Variants in RBFOX1 observed in about 807,000 individuals in gnomAD.
The protein encoded by RBFOX1 is RNA binding fox-1 homolog 1.
Under a neutral mutation model 57.7 loss-of-function variants are expected in RBFOX1, and 8 were observed. That is an observed-to-expected ratio of 0.14 (90% CI 0.08 to 0.25). The LOEUF is 0.25. Ranked by LOEUF, RBFOX1 falls within the 10% of genes least tolerant of loss-of-function variation. The pLI is 1.00. For synonymous variants in RBFOX1, 326 were observed against 222.4 expected (o/e 1.47, Z -4.15); for missense variants, 611 against 548.5 (o/e 1.11, Z -1.14).
At chr16:5,501,318 C>CAAAAAA (rs1160788118) in intron 2 of RBFOX1, among the ~76,000 whole-genome samples, 1,831 of 64,708 alleles carry the variant, frequency 0.028, 188 homozygotes, top group African/African-American at 0.079. Context: ...ACTCTGTCTA[C>CAAAAAA]AAAAAAAAAA....
chr16:7,039,233 G>A (rs987904298), intron 3 of RBFOX1, among the ~76,000 whole-genome samples: 1 of 152,136 alleles, frequency 6.6e-6, no homozygotes, highest in South Asian at 2.1e-4. Flanking sequence ...GCAAGTTTAC[G>A]TATAACAACA....
intron 1 of RBFOX1, among the ~76,000 whole-genome samples, chr16:5,420,375 C>G (rs2067279645): frequency 1.7e-5 from 2 of 115,798 alleles, no homozygotes; most frequent in South Asian, 2.8e-4. Flanking sequence ...AATAAATATT[C>G]TCCACCACCC....
chr16:6,016,464 G>T (rs2094994472), upstream of RBFOX1, among the ~76,000 whole-genome samples: 1 of 152,172 alleles, frequency 6.6e-6, no homozygotes, highest in South Asian at 2.1e-4. Flanking sequence ...CCAGGAGCTG[G>T]TAAACCACAT....
intron 1 of RBFOX1, among the ~76,000 whole-genome samples, chr16:5,438,825 CTT>C (rs1474351218): frequency 4.6e-5 from 7 of 152,022 alleles, no homozygotes; most frequent in Non-Finnish European, 4.4e-5. Context: ...ATCTTGCACT[CTT>C]TAGGGTCAAA....
intron 4 of RBFOX1, among the ~76,000 whole-genome samples, chr16:5,961,038 G>T (rs538163183): frequency 1.4e-4 from 21 of 152,282 alleles, no homozygotes; most frequent in Admixed American, 2.0e-4. Flanking sequence ...AAGGTGACAT[G>T]GGTGATCCTG....
intron 4 of RBFOX1, among the ~76,000 whole-genome samples, chr16:5,869,126 A>G (rs994348811): frequency 6.6e-6 from 1 of 152,180 alleles, no homozygotes; most frequent in Non-Finnish European, 1.5e-5. Context: ...ACAAAGTGCC[A>G]TGCCATGTAA....
chr16:7,653,688 C>T (rs547773294), intron 11 of RBFOX1, 127 bp from the exon 12 acceptor site: 17 of 1,367,126 alleles, frequency 1.2e-5, no homozygotes, highest in Middle Eastern at 2.3e-4. Flanking sequence ...CTCTTGATTC[C>T]GGGAAGCGGG....
chr16:5,245,520 C>T (rs377240990), intron 1 of RBFOX1, among the ~76,000 whole-genome samples: 1 of 152,168 alleles, frequency 6.6e-6, no homozygotes. Flanking sequence ...TGCTCTAAGC[C>T]TGGGGAACCC....
At chr16:5,722,520 C>G (rs1295259539) in intron 3 of RBFOX1, among the ~76,000 whole-genome samples, 2 of 152,126 alleles carry the variant, frequency 1.3e-5, no homozygotes, top group East Asian at 1.9e-4. Context: ...CCCAGGGGAT[C>G]AAGGGGGGCA....
chr16:6,977,147 T>G (rs2087207259), intron 3 of RBFOX1, among the ~76,000 whole-genome samples: 1 of 102,550 alleles, frequency 9.8e-6, no homozygotes. Context: ...ATATTATATA[T>G]ATCATATATA....
intron 3 of RBFOX1, among the ~76,000 whole-genome samples, chr16:6,891,199 A>G (rs2065331395): frequency 6.6e-6 from 1 of 152,358 alleles, no homozygotes; most frequent in Non-Finnish European, 1.5e-5. Context: ...TAGTGGCTAC[A>G]ATAATATTTG....
chr16:5,255,091 T>C (rs1368926985), intron 1 of RBFOX1, among the ~76,000 whole-genome samples: 2 of 152,166 alleles, frequency 1.3e-5, no homozygotes, highest in African/African-American at 4.8e-5. Flanking sequence ...TAGCTGTAAT[T>C]TGCATTAGTT....
At chr16:5,645,302 A>C (rs1374145335) in intron 3 of RBFOX1, among the ~76,000 whole-genome samples, 1 of 152,034 alleles carries the variant, frequency 6.6e-6, no homozygotes, top group Non-Finnish European at 1.5e-5. Context: ...TGAGTGAAAG[A>C]AGCTGCACAC....
At chr16:7,684,544 C>T (rs779882076) in intron 14 of RBFOX1, among the ~76,000 whole-genome samples, 1 of 151,784 alleles carries the variant, frequency 6.6e-6, no homozygotes, top group Non-Finnish European at 1.5e-5. Context: ...AATGCTTTGG[C>T]CTGAGATTAT....
At chr16:6,457,067 C>T (rs529874451) in intron 2 of RBFOX1, among the ~76,000 whole-genome samples, 110 of 152,152 alleles carry the variant, frequency 7.2e-4, no homozygotes, top group Middle Eastern at 3.4e-3. Flanking sequence ...GGAGTATAAA[C>T]AGGTTTTAAG....
At chr16:5,480,632 A>G (rs1342636890) in intron 2 of RBFOX1, among the ~76,000 whole-genome samples, 1 of 152,180 alleles carries the variant, frequency 6.6e-6, no homozygotes, top group Admixed American at 6.5e-5. Context: ...ACCCATGGCT[A>G]TGCTAGTGTG....
At chr16:6,603,749 A>T (rs74398003) in intron 2 of RBFOX1, among the ~76,000 whole-genome samples, 1 of 152,140 alleles carries the variant, frequency 6.6e-6, no homozygotes, top group Non-Finnish European at 1.5e-5. Context: ...GGACATCAGG[A>T]TGGCCTTAAT....
intron 4 of RBFOX1, among the ~76,000 whole-genome samples, chr16:7,474,201 C>T (rs962085652): frequency 3.3e-5 from 5 of 152,238 alleles, no homozygotes; most frequent in East Asian, 1.9e-4. Flanking sequence ...GCAGCAGAGT[C>T]GCTTGAACAT....
intron 4 of RBFOX1, among the ~76,000 whole-genome samples, chr16:7,290,723 A>G (rs1397586519): frequency 1.3e-5 from 2 of 152,240 alleles, no homozygotes; most frequent in Admixed American, 6.5e-5. Flanking sequence ...CTCATGGGAC[A>G]TGTGCGTGTC....
Sources: gnomAD v4.1 joint callset for allele counts (sites outside exome capture counted in the v4.1 genomes callset) on GRCh38, gnomAD v4.1.1 for gene constraint, MANE v1.5 for transcripts, NCBI Gene and HGNC (gene_info 2026-07-23, HGNC 2026-07-21) for gene names.